CCDC93: variants seen among roughly 807,000 people sequenced by gnomAD.
The protein encoded by CCDC93 is CCC complex scaffolding subunit CCDC93, also known as coiled-coil domain-containing protein 93.
CCDC93 carries 61 observed loss-of-function variants against 108.2 expected under a neutral mutation model. The observed-to-expected ratio is 0.56, with a 90% CI of 0.46 to 0.70. The LOEUF (loss-of-function observed/expected upper bound fraction) is 0.70, where lower values mean the gene tolerates loss of function less well. Ranked by LOEUF, CCDC93 falls within the 30% of genes least tolerant of loss-of-function variation. The pLI, the probability that CCDC93 is intolerant of heterozygous loss-of-function variation, is 0.00. For synonymous variants in CCDC93, 276 were observed against 260.4 expected, an observed-to-expected ratio of 1.06 and a Z score of -0.58; for missense variants, 685 against 764.2, an observed-to-expected ratio of 0.90 and a Z score of 1.22.
chr2:118,009,848 A>G (rs1316286324), intron 1 of CCDC93, among the ~76,000 whole-genome samples: 1 of 152,202 alleles, frequency 6.6e-6, no homozygotes, highest in Non-Finnish European at 1.5e-5. Context: ...ATTGCCACAT[A>G]ATAGGATTGC....
chr2:117,993,197 C>T (rs1680533244), intron 6 of CCDC93, among the ~76,000 whole-genome samples: 2 of 152,032 alleles, frequency 1.3e-5, no homozygotes, highest in African/African-American at 2.4e-5. Flanking sequence ...GAGATCGAGA[C>T]CATCCTGGCT....
chr2:117,947,435 T>C (rs2104738712), intron 15 of CCDC93, among the ~76,000 whole-genome samples: 1 of 152,232 alleles, frequency 6.6e-6, no homozygotes, highest in African/African-American at 2.4e-5. Context: ...ACTACAAGTT[T>C]CCAGAAGATG....
At chr2:118,007,461 G>A (rs1339690360) in intron 2 of CCDC93, among the ~76,000 whole-genome samples, 1 of 152,210 alleles carries the variant, frequency 6.6e-6, no homozygotes, top group Non-Finnish European at 1.5e-5. Context: ...CACGAGGTCA[G>A]GAGTTTGAGA....
intron 15 of CCDC93, among the ~76,000 whole-genome samples, chr2:117,947,568 A>G (rs539181796): frequency 3.3e-5 from 5 of 152,248 alleles, no homozygotes; most frequent in African/African-American, 4.8e-5. Context: ...CAAAAACTTC[A>G]TAAGACTTTT....
chr2:117,937,596 A>G (rs1470263853), intron 20 of CCDC93, among the ~76,000 whole-genome samples: 2 of 152,230 alleles, frequency 1.3e-5, no homozygotes, highest in Non-Finnish European at 2.9e-5. Flanking sequence ...CTGCCTCGCA[A>G]TATTCCTAGT....
intron 23 of CCDC93, among the ~76,000 whole-genome samples, chr2:117,928,839 A>G (rs1678219445): frequency 6.6e-6 from 1 of 152,244 alleles, no homozygotes; most frequent in African/African-American, 2.4e-5. Context: ...TATTCCCAAT[A>G]GCAAATACTT....
intron 13 of CCDC93, chr2:117,950,276 T>TC (rs943982687): frequency 2.0e-6 from 2 of 985,162 alleles, no homozygotes; most frequent in African/African-American, 1.7e-5. Flanking sequence ...ATGTATCAAT[T>TC]CAACAAGTCA....
intron 14 of CCDC93, 147 bp from the exon 15 acceptor site, chr2:117,948,333 G>A: frequency 3.4e-6 from 2 of 596,584 alleles, no homozygotes; most frequent in Non-Finnish European, 5.9e-6. Context: ...CTGCACAAAT[G>A]ATAATGACTT....
At chr2:117,992,384 C>T (rs1680500635) in intron 6 of CCDC93, among the ~76,000 whole-genome samples, 1 of 152,086 alleles carries the variant, frequency 6.6e-6, no homozygotes, top group South Asian at 2.1e-4. Context: ...GCTGAGACTA[C>T]AGGTACATGC....
At chr2:117,928,944 G>C (rs1678223784) in intron 23 of CCDC93, among the ~76,000 whole-genome samples, 1 of 152,194 alleles carries the variant, frequency 6.6e-6, no homozygotes, top group African/African-American at 2.4e-5. Context: ...AAAAGGATGA[G>C]TTCATGTCCT....
chr2:117,949,634 G>A (rs908067419), intron 13 of CCDC93: 3 of 449,438 alleles, frequency 6.7e-6, no homozygotes, highest in South Asian at 9.3e-5. Context: ...AGAAAACACC[G>A]TTTCTCCAAA....
intron 22 of CCDC93, among the ~76,000 whole-genome samples, chr2:117,932,525 C>T (rs530487829): frequency 6.6e-6 from 1 of 152,294 alleles, no homozygotes; most frequent in East Asian, 1.9e-4. Context: ...CATTCAGTTC[C>T]TGAGTCCCAA....
chr2:117,995,352 A>G, intron 6 of CCDC93, 94 bp downstream of exon 6: 1 of 977,836 alleles, frequency 1.0e-6, no homozygotes, highest in Non-Finnish European at 1.6e-6. Context: ...ATCCCCGTAG[A>G]TGGAAGCCTC....
intron 15 of CCDC93, 136 bp from the exon 16 acceptor site, chr2:117,947,018 C>T: frequency 1.5e-6 from 1 of 676,072 alleles, no homozygotes; most frequent in Non-Finnish European, 2.6e-6. Context: ...GAGGTAGCTG[C>T]CCTGATCTCC....
chr2:117,993,828 G>A (rs1359868241), intron 6 of CCDC93, among the ~76,000 whole-genome samples: 1 of 152,184 alleles, frequency 6.6e-6, no homozygotes, highest in African/African-American at 2.4e-5. Flanking sequence ...CTGCCTTCTG[G>A]GTTCAAGCAA....
At chr2:117,994,012 G>A (rs919965177) in intron 6 of CCDC93, among the ~76,000 whole-genome samples, 18 of 152,178 alleles carry the variant, frequency 1.2e-4, no homozygotes, top group African/African-American at 2.2e-4. Context: ...GATTACAGGC[G>A]TGAGCCACTG....
chr2:117,964,605 A>T (rs777842095), intron 11 of CCDC93, among the ~76,000 whole-genome samples: 10 of 146,982 alleles, frequency 6.8e-5, no homozygotes, highest in Non-Finnish European at 1.4e-4. Context: ...AAGAAGTAGA[A>T]TTTTTTTTTT....
At chr2:117,930,906 TCA>T in intron 23 of CCDC93, 129 bp downstream of exon 23, 1 of 606,088 alleles carries the variant, frequency 1.6e-6, no homozygotes, top group Admixed American at 3.0e-5. Context: ...CACTGCCAGA[TCA>T]CACTCTGTCT....
intron 7 of CCDC93, among the ~76,000 whole-genome samples, chr2:117,978,324 A>G (rs1680007826): frequency 6.6e-6 from 1 of 152,236 alleles, no homozygotes; most frequent in South Asian, 2.1e-4. Flanking sequence ...CAGCCACTGC[A>G]TTTCAGAGCC....
Sources: gnomAD v4.1 joint callset for allele counts (sites outside exome capture counted in the v4.1 genomes callset) on GRCh38, gnomAD v4.1.1 for gene constraint, MANE v1.5 for transcripts, NCBI Gene and HGNC (gene_info 2026-07-23, HGNC 2026-07-21) for gene names.